The following KCNJ3 variants were observed in gnomAD, a reference collection of about 807,000 sequenced individuals.
KCNJ3 encodes potassium inwardly rectifying channel subfamily J member 3, also known as G protein-activated inward rectifier potassium channel 1.
In KCNJ3, 4 loss-of-function variants were observed where a neutral mutation model predicts 39.2. That is an observed-to-expected ratio of 0.10 (90% CI 0.05 to 0.23). The LOEUF (loss-of-function observed/expected upper bound fraction) is 0.23. KCNJ3 is among the 10% of genes least tolerant of loss of function. The pLI, the probability that KCNJ3 is intolerant of heterozygous loss-of-function variation, is 1.00. For missense variants in KCNJ3, 276 were observed against 634.9 expected (o/e 0.43, Z 6.08); for synonymous variants, 230 against 237.4 (o/e 0.97, Z 0.29).
chr2:154,722,305 C>T (rs576361362), intron 2 of KCNJ3, among the ~76,000 whole-genome samples: 6 of 151,970 alleles, frequency 3.9e-5, no homozygotes, highest in Admixed American at 2.0e-4. Context: ...CAGTGAGAGA[C>T]AAAAACATGT....
At chr2:154,764,903 A>G (rs903574976) in intron 2 of KCNJ3, among the ~76,000 whole-genome samples, 1 of 152,120 alleles carries the variant, frequency 6.6e-6, no homozygotes, top group Non-Finnish European at 1.5e-5. Context: ...GCCTTTGCAC[A>G]TATTGTTTGC....
At position 154,786,588 on chromosome 2, in the gene KCNJ3, T is replaced by C. The variant is rs144285062; in HGVS notation, c.920-68139T>C. Among the ~76,000 whole-genome samples, 862 of 152,320 alleles carry C rather than the reference T, an allele frequency of 5.7e-3. 11 individuals carry two copies. Among genetic ancestry groups the C allele is most frequent in the East Asian group, 0.012 (62 of 5,176 alleles). ...CTGAGTACTTGACAATCTTCTATAT[T>C]GTACCAGTGAGATGCAGATATATAC... On this transcript the variant is annotated intron_variant, in intron 2 of 2. Transcript: ENST00000295101.
At chr2:154,821,232 G>A (rs1687167515) in intron 2 of KCNJ3, among the ~76,000 whole-genome samples, 1 of 152,094 alleles carries the variant, frequency 6.6e-6, no homozygotes, top group African/African-American at 2.4e-5. Flanking sequence ...GATCTGGAAT[G>A]AGCCAATCCT....
chr2:154,820,672 T>C (rs912612505), intron 2 of KCNJ3, among the ~76,000 whole-genome samples: 2 of 152,186 alleles, frequency 1.3e-5, no homozygotes, highest in African/African-American at 4.8e-5. Flanking sequence ...AGTTACAGCT[T>C]TCAGTGTCTA....
At chr2:154,770,227 T>C (rs1686214836) in intron 2 of KCNJ3, among the ~76,000 whole-genome samples, 1 of 152,214 alleles carries the variant, frequency 6.6e-6, no homozygotes, top group African/African-American at 2.4e-5. Context: ...ATAGCTTCCA[T>C]TTAACTGCCC....
chr2:154,778,194 C>G (rs1686372630), intron 2 of KCNJ3, among the ~76,000 whole-genome samples: 1 of 151,706 alleles, frequency 6.6e-6, no homozygotes, highest in Non-Finnish European at 1.5e-5. Context: ...TTTTTATGAC[C>G]AAATGCTTAT....
rs573319356 is a variant in KCNJ3, at chr2:154,774,442, A to G, written c.919+64623A>G. Among the ~76,000 whole-genome samples, 4 of 152,248 alleles carry G rather than the reference A, an allele frequency of 2.6e-5. No homozygotes were observed. In the South Asian group the frequency reaches 6.2e-4, roughly 24 times the overall value. On this transcript the variant is annotated intron_variant, in intron 2 of 2. Transcript: ENST00000295101. ...CAGAAGGGTAACTGTAACATATTATATAAAATATTTCTAAAATATTAACAT... is the reference window on the plus strand; with the variant it reads ...CAGAAGGGTAACTGTAACATATTATGTAAAATATTTCTAAAATATTAACAT...
intron 1 of KCNJ3, among the ~76,000 whole-genome samples, chr2:154,707,502 G>A (rs527804324): frequency 1.1e-3 from 160 of 152,200 alleles, no homozygotes; most frequent in African/African-American, 3.4e-3. Flanking sequence ...AAATTTAATA[G>A]CTTACTCTAA....
chr2:154,847,896 T>C (rs1462413620), intron 2 of KCNJ3, among the ~76,000 whole-genome samples: 1 of 152,170 alleles, frequency 6.6e-6, no homozygotes, highest in Non-Finnish European at 1.5e-5. Flanking sequence ...TTACCCTCTC[T>C]GCAACTGGCC....
At chr2:154,717,881 G>T (rs567780104) in intron 2 of KCNJ3, among the ~76,000 whole-genome samples, 1 of 152,066 alleles carries the variant, frequency 6.6e-6, no homozygotes, top group East Asian at 1.9e-4. Context: ...AGCAAACTAC[G>T]TAGTGTTATG....
chr2:154,777,982 A>G (rs79607873), intron 2 of KCNJ3, among the ~76,000 whole-genome samples: 14,406 of 152,212 alleles, frequency 0.095, 1,688 homozygotes, highest in African/African-American at 0.28. Flanking sequence ...CTGCTATGCC[A>G]GAGTAGTGGA....
Position 154,765,467 on chromosome 2 carries a change from T to C in KCNJ3, c.919+55648T>C, listed in dbSNP as rs953950057. Among the ~76,000 whole-genome samples the C allele has an allele frequency of 2.0e-5, 3 of 152,234 alleles. No homozygotes were observed. The South Asian group carries it at 6.2e-4, about 31-fold the overall frequency. Reference sequence around the variant, plus strand: ...CCAAAAAGAAGTGACTTGTTCTGCCTGGTTCCCTACTGTATTTCTAGTGCC... The same window carrying C: ...CCAAAAAGAAGTGACTTGTTCTGCCCGGTTCCCTACTGTATTTCTAGTGCC... On this transcript the variant is annotated intron_variant, in intron 2 of 2. Transcript: ENST00000295101.
intron 2 of KCNJ3, among the ~76,000 whole-genome samples, chr2:154,846,865 A>G (rs1190328893): frequency 6.6e-6 from 1 of 152,078 alleles, no homozygotes; most frequent in Non-Finnish European, 1.5e-5. Flanking sequence ...TTGAAGCTTT[A>G]TTTTCTGACA....
At chr2:154,798,146 T>C (rs1489607216) in intron 2 of KCNJ3, among the ~76,000 whole-genome samples, 2 of 150,478 alleles carry the variant, frequency 1.3e-5, no homozygotes, top group Non-Finnish European at 3.0e-5. Context: ...CTACACACAC[T>C]CTAAATGTAC....
chr2:154,711,644 GC>G (rs983485664), intron 2 of KCNJ3, among the ~76,000 whole-genome samples: 7 of 151,936 alleles, frequency 4.6e-5, no homozygotes, highest in African/African-American at 1.2e-4. Context: ...GAAAAATTAG[GC>G]CGGGTATTTT....
intron 1 of KCNJ3, among the ~76,000 whole-genome samples, chr2:154,707,006 T>C (rs925174607): frequency 1.3e-5 from 2 of 152,120 alleles, no homozygotes; most frequent in Admixed American, 1.3e-4. Flanking sequence ...AGTTGAAATA[T>C]TTGGTGGCCT....
chr2:154,714,975 G>T (rs946386721), intron 2 of KCNJ3, among the ~76,000 whole-genome samples: 10 of 151,520 alleles, frequency 6.6e-5, no homozygotes, highest in African/African-American at 2.4e-4. Flanking sequence ...GGTCAGGGAA[G>T]GCTGAGTAAA....
intron 2 of KCNJ3, among the ~76,000 whole-genome samples, chr2:154,846,250 A>G (rs986640674): frequency 1.3e-5 from 2 of 152,174 alleles, no homozygotes; most frequent in African/African-American, 4.8e-5. Flanking sequence ...TCTGTATCAA[A>G]TTGCCAGAAA....
chr2:154,803,891 T>C (rs1050024265), intron 2 of KCNJ3, among the ~76,000 whole-genome samples: 3 of 152,010 alleles, frequency 2.0e-5, no homozygotes, highest in Non-Finnish European at 4.4e-5. Context: ...ATTATGACAT[T>C]TTAAGTATAA....
Sources: allele counts gnomAD v4.1 joint callset (sites outside exome capture counted in the v4.1 genomes callset), GRCh38; gene constraint gnomAD v4.1.1; transcripts MANE v1.5; gene names NCBI Gene and HGNC (gene_info 2026-07-23, HGNC 2026-07-21).